Variants in HS1BP3 observed in about 807,000 individuals in gnomAD.
HS1BP3 encodes HCLS1-binding protein 3.
A neutral mutation model predicts 33.5 loss-of-function variants in HS1BP3; 32 were observed. That is an observed-to-expected ratio of 0.95 (90% CI 0.72 to 1.28). The LOEUF (loss-of-function observed/expected upper bound fraction) is 1.28. Ranked by LOEUF, HS1BP3 falls within the 50% of genes most tolerant of loss-of-function variation. The pLI is 0.00. For missense variants in HS1BP3, 486 were observed against 502.3 expected (o/e 0.97, Z 0.31); for synonymous variants, 187 against 209.2 (o/e 0.89, Z 0.92).
At chr2:20,593,652 A>C (rs757780983) in intron 3 of HS1BP3, among the ~76,000 whole-genome samples, 1 of 152,006 alleles carries the variant, frequency 6.6e-6, no homozygotes, top group African/African-American at 2.4e-5. Flanking sequence ...AGCCCACATC[A>C]TGAGTCACCA....
intron 5 of HS1BP3, among the ~76,000 whole-genome samples, chr2:20,573,262 G>A (rs779463962): frequency 9.9e-5 from 15 of 152,086 alleles, no homozygotes; most frequent in Non-Finnish European, 2.2e-4. Context: ...CATTCTCCCC[G>A]AGAGCCTTCA....
intron 5 of HS1BP3, among the ~76,000 whole-genome samples, chr2:20,575,407 T>C (rs1021442085): frequency 6.6e-6 from 1 of 152,208 alleles, no homozygotes; most frequent in Non-Finnish European, 1.5e-5. Flanking sequence ...CAGCTGACTC[T>C]GACAATCAGA....
intron 5 of HS1BP3, among the ~76,000 whole-genome samples, chr2:20,583,904 A>C (rs73919921): frequency 0.042 from 6,409 of 152,196 alleles, 432 homozygotes; most frequent in African/African-American, 0.14. Context: ...CACCTGCACA[A>C]TGTCAAATAT....
At chr2:20,613,049 TG>T (rs963848638), downstream of HS1BP3, among the ~76,000 whole-genome samples, 2 of 151,964 alleles carry the variant, frequency 1.3e-5, no homozygotes, top group South Asian at 2.1e-4. Context: ...CATCTGGGGA[TG>T]GGGGGGACTG....
chr2:20,606,431 T>C, intron 2 of HS1BP3: 1 of 476,946 alleles, frequency 2.1e-6, no homozygotes, highest in Non-Finnish European at 4.2e-6. Context: ...CTTCAGTCTC[T>C]CAGACACCAT....
chr2:20,567,855 G>A (rs1460398835), intron 5 of HS1BP3, among the ~76,000 whole-genome samples: 3 of 152,224 alleles, frequency 2.0e-5, no homozygotes, highest in Non-Finnish European at 4.4e-5. Flanking sequence ...GCAGCTTCAA[G>A]AAAGAGGAGA....
At chr2:20,650,140 C>G (rs759879081) in intron 1 of HS1BP3, among the ~76,000 whole-genome samples, 3 of 152,172 alleles carry the variant, frequency 2.0e-5, no homozygotes, top group Non-Finnish European at 4.4e-5. Flanking sequence ...GGAATCATAC[C>G]TTTCTAGACC....
intron 4 of HS1BP3, among the ~76,000 whole-genome samples, chr2:20,633,727 TGACCA>T (rs1305252805): frequency 4.6e-5 from 7 of 152,208 alleles, no homozygotes; most frequent in African/African-American, 1.7e-4. Flanking sequence ...TTCACCATGT[TGACCA>T]GGCTGGTCTT....
intron 3 of HS1BP3, among the ~76,000 whole-genome samples, chr2:20,639,728 A>C (rs1695280675): frequency 6.6e-6 from 1 of 152,252 alleles, no homozygotes; most frequent in Non-Finnish European, 1.5e-5. Context: ...CTGTACATCC[A>C]TCTTGCAGAT....
At chr2:20,619,325 C>T in intron 6 of HS1BP3, 80 bp from the exon 7 acceptor site, 1 of 1,263,332 alleles carries the variant, frequency 7.9e-7, no homozygotes, top group Non-Finnish European at 1.1e-6. Context: ...ATGCCAGTGC[C>T]CACACGGGGC....
At chr2:20,574,945 A>G (rs777817274) in intron 5 of HS1BP3, among the ~76,000 whole-genome samples, 2 of 152,230 alleles carry the variant, frequency 1.3e-5, no homozygotes, top group Non-Finnish European at 2.9e-5. Context: ...CCTCCTCTGC[A>G]TAACTGGGAT....
At position 20,623,432 on chromosome 2, in the gene HS1BP3, A is replaced by AT. The variant is rs1694666931; in HGVS notation, c.920+463dup. ...ACCTCCATGTGACAGCTGAGGCCTC[A>AT]TTCTCCCTTCCTTCTGTGAAAGCTG... On this transcript the variant is annotated intron_variant, in intron 6 of 6. Coordinates refer to ENST00000304031, the MANE Select transcript of HS1BP3 (RefSeq NM_022460.4). 3 of 154,498 alleles carry AT rather than the reference A, an allele frequency of 1.9e-5. No homozygotes were observed. The South Asian group carries it at 6.0e-4, about 31-fold the overall frequency. 9.6% of individuals were successfully genotyped at this position (154,498 alleles called of 1,614,324 possible).
intron 5 of HS1BP3, among the ~76,000 whole-genome samples, chr2:20,584,488 A>G (rs889490208): frequency 6.6e-6 from 1 of 152,164 alleles, no homozygotes; most frequent in Non-Finnish European, 1.5e-5. Flanking sequence ...CCCCTGCACC[A>G]CCATCCCCCG....
intron 2 of HS1BP3, among the ~76,000 whole-genome samples, chr2:20,643,106 T>C (rs1443534892): frequency 6.6e-6 from 1 of 152,248 alleles, no homozygotes; most frequent in Non-Finnish European, 1.5e-5. Flanking sequence ...TATGTAACTT[T>C]AGGCTCCATC....
intron 5 of HS1BP3, among the ~76,000 whole-genome samples, chr2:20,573,156 T>TGCC (rs1693315390): frequency 6.6e-6 from 1 of 152,184 alleles, no homozygotes; most frequent in African/African-American, 2.4e-5. Context: ...ACACAGTCTT[T>TGCC]GCTGATATAA....
Position 20,640,975 on chromosome 2 carries a change from A to C in HS1BP3, c.404T>G (p.Leu135Ter). 6.2e-7 allele frequency: 1 copy of C among 1,614,054 alleles called. No homozygotes were observed. The highest frequency in any genetic ancestry group is 8.5e-7 in the Non-Finnish European group (1 of 1,179,938). Residue 135 changes from leucine to a stop codon, truncating the protein, a stop_gained and splice_region_variant, in exon 3 of 7, where the codon TTA (leucine) becomes TGA (stop). Transcript: ENST00000304031. LOFTEE classifies it high-confidence loss of function. ...LAGSPELLEF[L>*]GTRSPGAAGL... ...ACATGGGGCAGAGCCTTGGGTACCTAAGAACTCTAGCAGCTCTGGGCTGCC... is the reference window on the plus strand; with the variant it reads ...ACATGGGGCAGAGCCTTGGGTACCTCAGAACTCTAGCAGCTCTGGGCTGCC...
downstream of HS1BP3, chr2:20,590,737 G>A: frequency 6.5e-6 from 1 of 154,866 alleles, no homozygotes. Context: ...CTGGGCACCT[G>A]AGCTAGGCTA....
At chr2:20,648,712 T>A (rs1695592028) in intron 1 of HS1BP3, among the ~76,000 whole-genome samples, 1 of 152,056 alleles carries the variant, frequency 6.6e-6, no homozygotes, top group African/African-American at 2.4e-5. Context: ...CCAACTCCCA[T>A]CTTTAGCTCA....
At chr2:20,628,974 G>A (rs1355506042) in intron 4 of HS1BP3, among the ~76,000 whole-genome samples, 1 of 152,194 alleles carries the variant, frequency 6.6e-6, no homozygotes, top group South Asian at 2.1e-4. Flanking sequence ...TTTGCTCATG[G>A]TCCATAGAAG....
Sources: gnomAD v4.1 joint callset for allele counts (sites outside exome capture counted in the v4.1 genomes callset) on GRCh38, gnomAD v4.1.1 for gene constraint, MANE v1.5 for transcripts, NCBI Gene and HGNC (gene_info 2026-07-23, HGNC 2026-07-21) for gene names.